SNRPD1: variants seen among roughly 807,000 people sequenced by gnomAD.
SNRPD1 encodes small nuclear ribonucleoprotein D1 polypeptide.
Under a neutral mutation model 14.4 loss-of-function variants are expected in SNRPD1, and 1 was observed. The observed-to-expected ratio is 0.07, with a 90% CI of 0.02 to 0.33. The LOEUF (loss-of-function observed/expected upper bound fraction) is 0.33. Among genes scored for constraint, SNRPD1 ranks in the 10% least tolerant of loss-of-function variants. The pLI is 1.00. For synonymous variants in SNRPD1, 42 were observed against 50.3 expected, an observed-to-expected ratio of 0.83 and a Z score of 0.70; for missense variants, 52 against 146.4, an observed-to-expected ratio of 0.36 and a Z score of 3.33.
chr18:21,618,365 T>C (rs1396488723), intron 1 of SNRPD1, among the ~76,000 whole-genome samples: 1 of 151,826 alleles, frequency 6.6e-6, no homozygotes, highest in Admixed American at 6.6e-5. Context: ...AAAAAACCTC[T>C]GTATATCTTT....
intron 3 of SNRPD1, among the ~76,000 whole-genome samples, chr18:21,625,798 G>A (rs907035572): frequency 2.6e-5 from 4 of 151,978 alleles, no homozygotes; most frequent in African/African-American, 4.8e-5. Flanking sequence ...TTTTAGTAGA[G>A]ACGGGGTTTC....
rs1346380294 is a variant in SNRPD1, at chr18:21,622,715, C to T, written c.15-10C>T. ...GTTACAGGTAAAAATGGTTTTATTC[C>T]TATTTATAGATTTTTGATGAAATTG... On this transcript the variant is annotated splice_polypyrimidine_tract_variant and intron_variant, in intron 1 of 3. Coordinates refer to ENST00000300413, the MANE Select transcript of SNRPD1 (RefSeq NM_006938.4). 4 of 1,338,782 alleles carry T rather than the reference C, an allele frequency of 3.0e-6. No homozygotes were observed. In the South Asian group the frequency reaches 3.6e-5, roughly 12 times the overall value. The allele number at this position is 1,338,782 out of a possible 1,614,324, so 82.9% of individuals were successfully genotyped here.
At chr18:21,612,512 G>A in intron 1 of SNRPD1, 69 bp downstream of exon 1, 1 of 1,251,390 alleles carries the variant, frequency 8.0e-7, no homozygotes, top group South Asian at 1.6e-5. Context: ...GGAAGGCTGG[G>A]CTCTCCCATT....
At chr18:21,623,265 A>C (rs1236659527) in intron 2 of SNRPD1, among the ~76,000 whole-genome samples, 1 of 152,096 alleles carries the variant, frequency 6.6e-6, no homozygotes, top group South Asian at 2.1e-4. Flanking sequence ...CTAATTTTTT[A>C]TATTTTTGGT....
At chr18:21,628,602 G>A (rs974913362) in intron 3 of SNRPD1, among the ~76,000 whole-genome samples, 1 of 152,124 alleles carries the variant, frequency 6.6e-6, no homozygotes, top group Non-Finnish European at 1.5e-5. Context: ...TAATAAGATT[G>A]TGATTTGATG....
At chr18:21,617,712 C>T (rs538169838) in intron 1 of SNRPD1, among the ~76,000 whole-genome samples, 2 of 152,228 alleles carry the variant, frequency 1.3e-5, no homozygotes, top group African/African-American at 2.4e-5. Context: ...TTGAACTTAA[C>T]ATTTCATCGG....
chr18:21,623,977 A>G, intron 3 of SNRPD1, 38 bp downstream of exon 3: 17 of 1,201,650 alleles, frequency 1.4e-5, no homozygotes, highest in Non-Finnish European at 2.1e-5. Flanking sequence ...TGTGAATGCT[A>G]ATCCTAATCC....
chr18:21,627,806 T>G (rs2850568), intron 3 of SNRPD1, among the ~76,000 whole-genome samples: 77,699 of 152,040 alleles, frequency 0.51, 23,044 homozygotes, highest in African/African-American at 0.82. Flanking sequence ...CATTGATGTG[T>G]CACTACTGTA....
At chr18:21,613,738 C>T (rs867153262) in intron 1 of SNRPD1, among the ~76,000 whole-genome samples, 2 of 151,102 alleles carry the variant, frequency 1.3e-5, no homozygotes, top group Non-Finnish European at 2.9e-5. Flanking sequence ...GCCTTTAATC[C>T]CAGCTACTCA....
rs199764808 is a variant in SNRPD1 at position 21,618,352 on chromosome 18, CA to C, written c.15-4365del. Among the ~76,000 whole-genome samples, 7 of 150,988 alleles carry C rather than the reference CA, an allele frequency of 4.6e-5. No homozygotes were observed. The South Asian group carries it at 1.5e-3, about 32-fold the overall frequency. The stretch of plus-strand genomic sequence containing the variant: ...AAAAACCTCTGTTTAAAAAAAAACA[CA>C]AAAAAAACCTCTGTATATCTTTATT... On this transcript the variant is annotated intron_variant, in intron 1 of 3. Coordinates refer to ENST00000300413, the MANE Select transcript of SNRPD1 (RefSeq NM_006938.4).
intron 1 of SNRPD1, among the ~76,000 whole-genome samples, chr18:21,620,340 A>G (rs1314775126): frequency 2.0e-5 from 3 of 152,016 alleles, no homozygotes; most frequent in Admixed American, 1.3e-4. Flanking sequence ...GCCTCAAGTG[A>G]TCATCCCACC....
At chr18:21,616,549 G>A (rs968436694) in intron 1 of SNRPD1, among the ~76,000 whole-genome samples, 2 of 150,760 alleles carry the variant, frequency 1.3e-5, no homozygotes, top group African/African-American at 4.9e-5. Context: ...GTAGAGACAG[G>A]GTTTCACCAT....
chr18:21,618,964 C>G (rs2038977464), intron 1 of SNRPD1, among the ~76,000 whole-genome samples: 1 of 152,116 alleles, frequency 6.6e-6, no homozygotes, highest in South Asian at 2.1e-4. Context: ...AATAGGTTAT[C>G]TTATGTGTAC....
At chr18:21,625,733 C>T (rs2039033336) in intron 3 of SNRPD1, among the ~76,000 whole-genome samples, 1 of 152,172 alleles carries the variant, frequency 6.6e-6, no homozygotes, top group African/African-American at 2.4e-5. Flanking sequence ...GCCTCTGCCT[C>T]TCCAGTAGCT....
At chr18:21,627,434 G>GTTTTT (rs71178190) in intron 3 of SNRPD1, among the ~76,000 whole-genome samples, 21 of 97,368 alleles carry the variant, frequency 2.2e-4, no homozygotes, top group Non-Finnish European at 2.7e-4. Flanking sequence ...CTTTTCTTGG[G>GTTTTT]TTTTTTTTTT....
chr18:21,623,945 T>C lies in SNRPD1; in HGVS notation c.283+6T>C. ...ATCTAAGAAAAGGGAAGCTGGTAAG[T>C]TTGAAGGATTATAAACATTTTTGTG... On this transcript the variant is annotated splice_donor_region_variant and intron_variant, in intron 3 of 3. Coordinates refer to ENST00000300413, the MANE Select transcript of SNRPD1 (RefSeq NM_006938.4). 6.4e-7 allele frequency: 1 copy of C among 1,569,818 alleles called. No homozygotes were observed. The highest frequency in any genetic ancestry group is 1.9e-5 in the Admixed American group (1 of 53,114).
At chr18:21,615,748 G>C (rs888246894) in intron 1 of SNRPD1, among the ~76,000 whole-genome samples, 1 of 152,168 alleles carries the variant, frequency 6.6e-6, no homozygotes, top group Non-Finnish European at 1.5e-5. Context: ...ACAAATTTTC[G>C]TGGGTAAATA....
Position 21,630,039 on chromosome 18 carries a change from C to CT in SNRPD1, c.*905dup, listed in dbSNP as rs2039069615. The CT allele has an allele frequency of 6.6e-6, 1 of 152,072 alleles. No individual in the cohort carries two copies. The highest frequency in any genetic ancestry group is 2.1e-4 in the South Asian group (1 of 4,832). The allele number at this position is 152,072 out of a possible 1,614,324, so 9.4% of individuals were successfully genotyped here. The stretch of plus-strand genomic sequence containing the variant: ...TTGTTGTCTAGCTGCTAATGTCTTA[C>CT]TTTTGTTTCTTTTGCTTTTTAATCA... On this transcript the variant is annotated 3_prime_UTR_variant, in exon 4 of 4. Transcript: ENST00000300413.
intron 1 of SNRPD1, among the ~76,000 whole-genome samples, chr18:21,620,235 T>G (rs1411945236): frequency 6.6e-6 from 1 of 152,174 alleles, no homozygotes; most frequent in African/African-American, 2.4e-5. Context: ...GTTACAGGCA[T>G]GAGCTACCGC....
Sources: gnomAD v4.1 joint callset for allele counts (sites outside exome capture counted in the v4.1 genomes callset) on GRCh38, gnomAD v4.1.1 for gene constraint, MANE v1.5 for transcripts, NCBI Gene and HGNC (gene_info 2026-07-23, HGNC 2026-07-21) for gene names.